The following UVRAG variants were observed in gnomAD, a reference collection of about 807,000 sequenced individuals.
UVRAG encodes the protein UV radiation resistance associated, also known as UV radiation resistance-associated gene protein.
A neutral mutation model predicts 78.0 loss-of-function variants in UVRAG; 19 were observed. The ratio of observed to expected loss-of-function variants is 0.24; its 90% confidence interval spans 0.17 to 0.36. The LOEUF is 0.36. Ranked by LOEUF, UVRAG falls within the 10% of genes least tolerant of loss-of-function variation. The pLI is 1.00. For synonymous variants in UVRAG, 323 were observed against 324.6 expected (o/e 1.00, Z 0.05); for missense variants, 740 against 853.8 (o/e 0.87, Z 1.66).
At chr11:76,135,883 A>T (rs1235154668) in intron 14 of UVRAG, among the ~76,000 whole-genome samples, 1 of 152,228 alleles carries the variant, frequency 6.6e-6, no homozygotes, top group Non-Finnish European at 1.5e-5. Flanking sequence ...CACTCCTCCC[A>T]AAACACACAC....
At chr11:75,835,329 T>C (rs947467410) in intron 1 of UVRAG, 57 of 152,162 alleles carry the variant, frequency 3.7e-4, no homozygotes, top group Admixed American at 3.7e-3. Flanking sequence ...CAGCTTAAGT[T>C]TATATTTCAA....
At chr11:75,956,897 A>G (rs991796538) in intron 6 of UVRAG, among the ~76,000 whole-genome samples, 6 of 151,526 alleles carry the variant, frequency 4.0e-5, no homozygotes, top group African/African-American at 1.5e-4. Flanking sequence ...TGAAGTGTTC[A>G]TTTCATTCTG....
intron 1 of UVRAG, among the ~76,000 whole-genome samples, chr11:75,842,840 A>T (rs1945946776): frequency 6.6e-6 from 1 of 152,216 alleles, no homozygotes; most frequent in African/African-American, 2.4e-5. Context: ...AGATTAAGCA[A>T]ATCAAACTCA....
At chr11:75,822,178 A>T (rs534696302) in intron 1 of UVRAG, among the ~76,000 whole-genome samples, 1 of 152,052 alleles carries the variant, frequency 6.6e-6, no homozygotes, top group Non-Finnish European at 1.5e-5. Context: ...TCCTGACCTC[A>T]GGTGATCCAC....
At chr11:76,123,758 GTTGTT>G (rs141660604) in intron 14 of UVRAG, among the ~76,000 whole-genome samples, 2,379 of 151,774 alleles carry the variant, frequency 0.016, 65 homozygotes, top group African/African-American at 0.055. Flanking sequence ...TTGAGTATCA[GTTGTT>G]TTGTTTTGTT....
At position 75,888,891 on chromosome 11, in the gene UVRAG, A is replaced by C. The variant is rs139563964; in HGVS notation, c.495A>C (p.Pro165=). The C allele has an allele frequency of 1.9e-6, 3 of 1,612,784 alleles. No homozygotes were observed. The highest frequency in any genetic ancestry group is 1.1e-5 in the South Asian group (1 of 90,792). The change falls in exon 5 of 15, where the codon CCA becomes CCC. Residue 165 remains proline, a synonymous_variant. Transcript: ENST00000356136. The part of the protein sequence containing the change: ...FGLNDGYYGA[P]FEHKGYSNAQ... The stretch of plus-strand genomic sequence containing the variant: ...TGAATGATGGATACTATGGTGCTCC[A>C]TTTGAACATAAGGTAAGAAGATCCT...
chr11:76,116,113 T>C, intron 14 of UVRAG, 98 bp downstream of exon 14: 1 of 1,167,754 alleles, frequency 8.6e-7, no homozygotes, highest in Non-Finnish European at 1.2e-6. Flanking sequence ...GCCTCTGAGT[T>C]TTCTTCTGTA....
intron 6 of UVRAG, among the ~76,000 whole-genome samples, chr11:75,924,902 C>T (rs1948062210): frequency 6.6e-6 from 1 of 152,058 alleles, no homozygotes; most frequent in Non-Finnish European, 1.5e-5. Context: ...GAACTTTTGG[C>T]TTAGAGCAAA....
intron 8 of UVRAG, among the ~76,000 whole-genome samples, chr11:75,995,572 G>A (rs1258797902): frequency 6.7e-6 from 1 of 149,976 alleles, no homozygotes; most frequent in Non-Finnish European, 1.5e-5. Context: ...GCTTCTGCTT[G>A]GTTAGTAAAT....
In UVRAG at chr11:75,887,222, T is replaced by G. The variant is rs562343269; in HGVS notation, c.433-1607T>G. Among the ~76,000 whole-genome samples, 11 of 152,238 alleles carry G rather than the reference T, an allele frequency of 7.2e-5. No individual in the cohort carries two copies. In the South Asian group the frequency reaches 2.3e-3, roughly 32 times the overall value. On this transcript the variant is annotated intron_variant, in intron 4 of 14. Transcript: ENST00000356136. Reference sequence around the variant, plus strand: ...GTGCAGCGGCGTGCTCTCGGCTCACTGCAACTTCCGCCTCCCGGGTACAAG... The same window carrying G: ...GTGCAGCGGCGTGCTCTCGGCTCACGGCAACTTCCGCCTCCCGGGTACAAG...
intron 2 of UVRAG, among the ~76,000 whole-genome samples, chr11:75,853,252 T>TAAC (rs1437645037): frequency 7.1e-6 from 1 of 141,674 alleles, no homozygotes; most frequent in East Asian, 2.1e-4. Context: ...AGTGATTGTT[T>TAAC]AACAACTTTT....
At chr11:76,098,433 C>A (rs1951824214) in intron 13 of UVRAG, among the ~76,000 whole-genome samples, 1 of 152,132 alleles carries the variant, frequency 6.6e-6, no homozygotes, top group Non-Finnish European at 1.5e-5. Context: ...AACTCGCAAA[C>A]CTAGATGCCA....
intron 13 of UVRAG, among the ~76,000 whole-genome samples, chr11:76,093,316 G>A (rs1565157898): frequency 1.3e-5 from 2 of 152,102 alleles, no homozygotes. Context: ...TGTTCTTTTC[G>A]CTCAGGATTG....
intron 8 of UVRAG, among the ~76,000 whole-genome samples, chr11:75,991,369 G>A (rs1281830093): frequency 6.6e-6 from 1 of 152,088 alleles, no homozygotes; most frequent in African/African-American, 2.4e-5. Context: ...CTTTCAAAAT[G>A]AAAACACTAT....
rs1565177365 is a variant in UVRAG, at chr11:76,140,108, CCTCCCTCTCTCTCTCTCT to C, written c.1398-599_1398-582del. Among the ~76,000 whole-genome samples, 33 of 16,480 alleles carry C rather than the reference CCTCCCTCTCTCTCTCTCT, an allele frequency of 2.0e-3. 2 individuals carry two copies. Among genetic ancestry groups the C allele is most frequent in the African/African-American group, 0.013 (30 of 2,376 alleles). The allele number at this position is 16,480 out of a possible 152,430, so 10.8% of individuals were successfully genotyped here. On this transcript the variant is annotated intron_variant, in intron 14 of 14. Transcript: ENST00000356136. ...CCCTCTCCCCCTCCCTCCCTCCCTCCCTCCCTCTCTCTCTCTCTCTCTCTCTCTCTCTCTCTCTCTCCC... is the reference window on the plus strand; with the variant it reads ...CCCTCTCCCCCTCCCTCCCTCCCTCCCTCTCTCTCTCTCTCTCTCTCTCCC...
chr11:75,815,601 C>G (rs1425089450), intron 1 of UVRAG, 77 bp downstream of exon 1: 7 of 956,790 alleles, frequency 7.3e-6, no homozygotes, highest in Non-Finnish European at 9.5e-6. Context: ...TCCGGGCTGA[C>G]CCCGCGAGCC....
chr11:75,822,271 A>G (rs1345095434), intron 1 of UVRAG, among the ~76,000 whole-genome samples: 2 of 152,160 alleles, frequency 1.3e-5, no homozygotes, highest in Non-Finnish European at 2.9e-5. Flanking sequence ...TCTAACTTTT[A>G]TCATCACCAG....
At chr11:75,828,445 A>T (rs1402709659) in intron 1 of UVRAG, among the ~76,000 whole-genome samples, 1 of 86,882 alleles carries the variant, frequency 1.2e-5, no homozygotes, top group African/African-American at 9.5e-5. Context: ...CCCCATCTCT[A>T]AAAAAAAAAA....
intron 1 of UVRAG, among the ~76,000 whole-genome samples, chr11:75,824,938 G>C (rs1000100588): frequency 1.3e-5 from 2 of 152,124 alleles, no homozygotes; most frequent in African/African-American, 4.8e-5. Context: ...CTCCCAATGT[G>C]CTGGGATTAC....
Sources: allele counts gnomAD v4.1 joint callset (sites outside exome capture counted in the v4.1 genomes callset), GRCh38; gene constraint gnomAD v4.1.1; transcripts MANE v1.5; gene names NCBI Gene and HGNC (gene_info 2026-07-23, HGNC 2026-07-21).